SOX5: variants seen among roughly 807,000 people sequenced by gnomAD.
SOX5 encodes the protein transcription factor SOX-5.
SOX5 carries 9 observed loss-of-function variants against 92.0 expected under a neutral mutation model. The ratio of observed to expected loss-of-function variants is 0.10; its 90% confidence interval spans 0.06 to 0.17. SOX5 has a LOEUF of 0.17. SOX5 is among the 10% of genes least tolerant of loss of function. SOX5 has a pLI of 1.00. For missense variants in SOX5, 642 were observed against 944.5 expected (o/e 0.68, Z 4.20); for synonymous variants, 344 against 336.3 (o/e 1.02, Z -0.25).
chr12:23,662,154 T>C (rs11047032), intron 7 of SOX5, among the ~76,000 whole-genome samples: 2,257 of 149,070 alleles, frequency 0.015, 34 homozygotes, highest in Middle Eastern at 0.058. Flanking sequence ...CACACACACA[T>C]ATACATATAT....
chr12:24,422,351 CA>C (rs1033857244), intron 1 of SOX5, among the ~76,000 whole-genome samples: 1 of 152,116 alleles, frequency 6.6e-6, no homozygotes, highest in African/African-American at 2.4e-5. Context: ...GTAATTCTAT[CA>C]AAAAAATATG....
chr12:23,662,813 T>C (rs1350760652), intron 7 of SOX5, among the ~76,000 whole-genome samples: 1 of 152,228 alleles, frequency 6.6e-6, no homozygotes, highest in Non-Finnish European at 1.5e-5. Flanking sequence ...ATCATCAGTA[T>C]GTTCAATAAA....
intron 1 of SOX5, among the ~76,000 whole-genome samples, chr12:23,910,401 C>T (rs1034954733): frequency 6.6e-6 from 1 of 152,050 alleles, no homozygotes; most frequent in Non-Finnish European, 1.5e-5. Context: ...TCTCATGTGT[C>T]CAAGAACATC....
At chr12:23,939,896 A>G (rs773246708) in intron 1 of SOX5, among the ~76,000 whole-genome samples, 1 of 151,030 alleles carries the variant, frequency 6.6e-6, no homozygotes, top group Non-Finnish European at 1.5e-5. Context: ...ATTTATTTTG[A>G]GAAACACTCA....
In SOX5 at chr12:23,620,284, T is replaced by C. The variant is rs150692175; in HGVS notation, c.1018-15751A>G. On this transcript the variant is annotated intron_variant, in intron 8 of 14. Coordinates refer to ENST00000451604, the MANE Select transcript of SOX5 (RefSeq NM_006940.6). ...GTCTACAAAGGTAGATGGGAATATA[T>C]AGTAATTTAATAAGAGGAATGACAG... Among the ~76,000 whole-genome samples the C allele has an allele frequency of 7.1e-3, 1,078 of 152,180 alleles. 8 individuals are homozygous for C. Among genetic ancestry groups the C allele is most frequent in the Non-Finnish European group, 0.012 (843 of 67,980 alleles).
At chr12:23,754,484 C>T (rs2094299425) in intron 4 of SOX5, among the ~76,000 whole-genome samples, 1 of 151,874 alleles carries the variant, frequency 6.6e-6, no homozygotes, top group South Asian at 2.1e-4. Flanking sequence ...AATTTGATTC[C>T]ATTGTAGATT....
chr12:23,585,633 G>T (rs1301018460), intron 9 of SOX5, among the ~76,000 whole-genome samples: 1 of 152,132 alleles, frequency 6.6e-6, no homozygotes, highest in African/African-American at 2.4e-5. Flanking sequence ...TGATATAGGA[G>T]TTAGTAAGAA....
intron 1 of SOX5, among the ~76,000 whole-genome samples, chr12:23,899,111 A>G (rs2097205981): frequency 6.6e-6 from 1 of 152,206 alleles, no homozygotes; most frequent in South Asian, 2.1e-4. Flanking sequence ...AAAAAGTCTC[A>G]TTAAGAAGGC....
chr12:24,015,766 C>A (rs1020920614), intron 4 of SOX5, among the ~76,000 whole-genome samples: 2 of 151,920 alleles, frequency 1.3e-5, no homozygotes, highest in Admixed American at 6.6e-5. Flanking sequence ...ACTCTGACAT[C>A]AAAAAAGGGC....
intron 1 of SOX5, among the ~76,000 whole-genome samples, chr12:23,927,257 C>T (rs1328836435): frequency 6.6e-6 from 1 of 152,008 alleles, no homozygotes; most frequent in Non-Finnish European, 1.5e-5. Flanking sequence ...TCTCTGGTAA[C>T]TTCTACTTAC....
At chr12:24,261,130 G>T (rs74068474) in intron 3 of SOX5, among the ~76,000 whole-genome samples, 3,182 of 152,102 alleles carry the variant, frequency 0.021, 116 homozygotes, top group African/African-American at 0.073. Context: ...GAGATTTTAC[G>T]TGTAGAATGT....
At chr12:23,867,829 A>G (rs1441711555) in intron 2 of SOX5, among the ~76,000 whole-genome samples, 1 of 151,816 alleles carries the variant, frequency 6.6e-6, no homozygotes, top group East Asian at 1.9e-4. Context: ...AGTAAAAAAA[A>G]AAACAAAAAA....
intron 9 of SOX5, among the ~76,000 whole-genome samples, chr12:23,589,962 A>G (rs16926428): frequency 7.2e-4 from 110 of 152,076 alleles, no homozygotes; most frequent in Middle Eastern, 6.8e-3. Flanking sequence ...ATGAAGTATT[A>G]TAAGTGTGCT....
chr12:23,641,818 T>C (rs1423459632), intron 7 of SOX5, among the ~76,000 whole-genome samples: 1 of 152,246 alleles, frequency 6.6e-6, no homozygotes, highest in Non-Finnish European at 1.5e-5. Flanking sequence ...TTGTAATGCA[T>C]AAAACATTTT....
chr12:24,500,925 G>A (rs1287352441), intron 1 of SOX5, among the ~76,000 whole-genome samples: 4 of 152,186 alleles, frequency 2.6e-5, no homozygotes, highest in East Asian at 1.9e-4. Flanking sequence ...AGAAACCATC[G>A]GTCTTATAAT....
intron 1 of SOX5, among the ~76,000 whole-genome samples, chr12:23,939,813 T>A (rs1943278241): frequency 1.3e-5 from 2 of 151,068 alleles, no homozygotes; most frequent in African/African-American, 4.8e-5. Flanking sequence ...TAACATTTCT[T>A]TTCTTGAAAT....
chr12:24,125,105 C>A (rs151209137), intron 4 of SOX5, among the ~76,000 whole-genome samples: 1 of 152,116 alleles, frequency 6.6e-6, no homozygotes, highest in South Asian at 2.1e-4. Flanking sequence ...TATATAAAAA[C>A]CCTTATTTTC....
intron 4 of SOX5, among the ~76,000 whole-genome samples, chr12:24,203,239 G>A (rs1218076294): frequency 6.6e-6 from 1 of 152,140 alleles, no homozygotes; most frequent in East Asian, 1.9e-4. Flanking sequence ...ACTTCAGGGT[G>A]GATCCTGCGT....
chr12:24,126,462 C>T (rs1949114581), intron 4 of SOX5, among the ~76,000 whole-genome samples: 1 of 152,158 alleles, frequency 6.6e-6, no homozygotes, highest in Non-Finnish European at 1.5e-5. Flanking sequence ...CTCTTCACAC[C>T]ATGCTATCCT....
Sources: gnomAD v4.1 joint callset for allele counts (sites outside exome capture counted in the v4.1 genomes callset) on GRCh38, gnomAD v4.1.1 for gene constraint, MANE v1.5 for transcripts, NCBI Gene and HGNC (gene_info 2026-07-23, HGNC 2026-07-21) for gene names.